SETD4: variants seen among roughly 807,000 people sequenced by gnomAD.
SETD4 encodes SET domain containing 4.
SETD4 carries 46 observed loss-of-function variants against 58.3 expected under a neutral mutation model. That is an observed-to-expected ratio of 0.79 (90% CI 0.62 to 1.01). SETD4 has a LOEUF of 1.01. SETD4 is among the 50% of genes least tolerant of loss of function. SETD4 has a pLI of 0.00. For synonymous variants in SETD4, 190 were observed against 202.6 expected (o/e 0.94, Z 0.53); for missense variants, 490 against 523.3 (o/e 0.94, Z 0.62).
intron 8 of SETD4, among the ~76,000 whole-genome samples, chr21:36,041,501 G>T (rs1399502622): frequency 2.0e-5 from 3 of 152,156 alleles, no homozygotes; most frequent in Non-Finnish European, 4.4e-5. Flanking sequence ...CTTTCCACAT[G>T]ACCACAAGGG....
intron 2 of SETD4, 28 bp from the exon 3 acceptor site, chr21:36,057,232 G>A: frequency 3.3e-6 from 5 of 1,499,846 alleles, no homozygotes; most frequent in Non-Finnish European, 4.6e-6. Context: ...AACAAATGGT[G>A]ATTAAAACCA....
chr21:36,050,354 G>T, intron 4 of SETD4: 1 of 1,613,678 alleles, frequency 6.2e-7, no homozygotes, highest in Non-Finnish European at 8.5e-7. Flanking sequence ...CTGTGGTGAT[G>T]GATGAGGTGG....
intron 6 of SETD4, among the ~76,000 whole-genome samples, chr21:36,044,801 G>A (rs1035139005): frequency 4.6e-5 from 7 of 152,126 alleles, no homozygotes; most frequent in South Asian, 2.1e-4. Flanking sequence ...TGAAGGCGAC[G>A]GCCAGGACAC....
intron 1 of SETD4, chr21:36,059,820 A>C: frequency 1.0e-6 from 1 of 985,498 alleles, no homozygotes; most frequent in Non-Finnish European, 1.2e-6. Context: ...TCATTATTTG[A>C]CCTAACGAAA....
At chr21:36,036,475 C>A in intron 10 of SETD4, 1 of 310,696 alleles carries the variant, frequency 3.2e-6, no homozygotes, top group Non-Finnish European at 4.7e-6. Flanking sequence ...CTTCCCCAAA[C>A]CCCCCGTCAC....
In SETD4 at chr21:36,036,133, T is replaced by G; in HGVS notation, c.1307A>C (p.Gln436Pro). The G allele has an allele frequency of 6.2e-7, 1 of 1,614,198 alleles. No individual in the cohort carries two copies. The highest frequency in any genetic ancestry group is 8.5e-7 in the Non-Finnish European group (1 of 1,180,028). The change falls in exon 11 of 12, where the codon CAA becomes CCA. Residue 436 changes from glutamine (Q) to proline (P), a missense_variant. Physicochemically the swap from Gln to Pro is moderately conservative, Grantham distance 76. Coordinates refer to ENST00000332131, the MANE Select transcript of SETD4 (RefSeq NM_017438.5). ...RASAETLHSL[Q>P]TAFT Reference sequence around the variant, plus strand: ...TCGGTGAAATCAGGTAAAAGCTGTTTGCAAACTGTGCAGGGTCTCGGCAGA... The same window carrying G: ...TCGGTGAAATCAGGTAAAAGCTGTTGGCAAACTGTGCAGGGTCTCGGCAGA...
intron 9 of SETD4, among the ~76,000 whole-genome samples, chr21:36,039,786 T>A (rs1335103597): frequency 6.6e-6 from 1 of 152,254 alleles, no homozygotes; most frequent in Non-Finnish European, 1.5e-5. Context: ...AGAGAAATTT[T>A]ACTCCAAAAG....
Position 36,048,342 on chromosome 21 carries a change from C to A in SETD4, c.262G>T (p.Val88Leu). Residue 88 changes from valine (V) to leucine (L), a missense_variant, in exon 5 of 12, where the codon GTG becomes TTG. Physicochemically the swap from Val to Leu is conservative, Grantham distance 32. Transcript: ENST00000332131. ...TATGCCCCTAAGTAGCTTCGAATCA[C>A]TGTGTCCGTGGTGAGCAGGCAACTC... The part of the protein sequence containing the change: ...PESCLLTTDT[V>L]IRSYLGAYIT... 6.2e-7 allele frequency: 1 copy of A among 1,614,168 alleles called. No individual in the cohort carries two copies. Among genetic ancestry groups the A allele is most frequent in the East Asian group, 2.2e-5 (1 of 44,872 alleles).
intron 10 of SETD4, among the ~76,000 whole-genome samples, chr21:36,037,069 T>C (rs1039670552): frequency 1.3e-5 from 2 of 152,046 alleles, no homozygotes; most frequent in Admixed American, 1.3e-4. Flanking sequence ...ACACCAAATT[T>C]CAGCTGGACC....
At chr21:36,040,952 A>G (rs975419215) in intron 8 of SETD4, among the ~76,000 whole-genome samples, 4 of 152,016 alleles carry the variant, frequency 2.6e-5, no homozygotes, top group African/African-American at 7.2e-5. Flanking sequence ...CGAGGTCAGG[A>G]GATCGAGACC....
At chr21:36,050,493 C>T (rs1246274998) in intron 4 of SETD4, 34 of 1,613,206 alleles carry the variant, frequency 2.1e-5, no homozygotes, top group South Asian at 1.4e-4. Context: ...CACTGTTTTG[C>T]GCCATCTAGA....
Position 36,046,003 on chromosome 21 carries a change from G to A in SETD4, c.305C>T (p.Pro102Leu), listed in dbSNP as rs138316773. Reference protein sequence around the residue: ...YLGAYITKWKPPPSPLLALCT... With the variant: ...YLGAYITKWKLPPSPLLALCT... Reference sequence around the variant, plus strand: ...CAGCGCCAGCAGAGGAGATGGAGGAGGCTTCCACCTTTGAAAATTAAAAGC... The same window carrying A: ...CAGCGCCAGCAGAGGAGATGGAGGAAGCTTCCACCTTTGAAAATTAAAAGC... Residue 102 changes from proline (P) to leucine (L), a missense_variant, in exon 6 of 12, where the codon CCT (proline) becomes CTT (leucine). Coordinates refer to ENST00000332131, the MANE Select transcript of SETD4 (RefSeq NM_017438.5). The A allele has an allele frequency of 6.4e-4, 1,029 of 1,605,484 alleles. 2 individuals carry two copies. The highest frequency in any genetic ancestry group is 1.1e-3 in the Admixed American group (66 of 58,240).
At chr21:36,051,204 G>A (rs1455970396) in intron 4 of SETD4, 6 of 1,605,806 alleles carry the variant, frequency 3.7e-6, no homozygotes, top group East Asian at 4.5e-5. Context: ...TGAGACTAGT[G>A]AGCTGGAGCT....
intron 4 of SETD4, among the ~76,000 whole-genome samples, chr21:36,049,627 G>A (rs1440581278): frequency 6.6e-6 from 1 of 152,194 alleles, no homozygotes. Flanking sequence ...TGTAAAGCAA[G>A]ATTAAGCTGG....
At chr21:36,050,630 T>G (rs1212370004) in intron 4 of SETD4, 1 of 1,610,304 alleles carries the variant, frequency 6.2e-7, no homozygotes, top group Non-Finnish European at 8.5e-7. Context: ...ATGGTGGCCA[T>G]GAAAATTTTG....
chr21:36,046,643 C>T (rs1332016241), intron 5 of SETD4, among the ~76,000 whole-genome samples: 4 of 152,196 alleles, frequency 2.6e-5, no homozygotes, highest in Non-Finnish European at 5.9e-5. Context: ...ACTGAATATG[C>T]TCATATACAG....
chr21:36,056,694 G>C (rs565842638), intron 3 of SETD4, among the ~76,000 whole-genome samples: 31 of 152,168 alleles, frequency 2.0e-4, no homozygotes, highest in Non-Finnish European at 3.7e-4. Context: ...GAGTAGCTGG[G>C]ACTACAGGGC....
At chr21:36,040,783 CAA>C (rs771796719) in intron 8 of SETD4, 128 bp from the exon 9 acceptor site, 1 of 736,022 alleles carries the variant, frequency 1.4e-6, no homozygotes, top group Non-Finnish European at 2.3e-6. Flanking sequence ...CAACCTCGGC[CAA>C]AGGACAAGAG....
Position 36,058,927 on chromosome 21 carries a change from A to AT in SETD4, c.-36-4dup, listed in dbSNP as rs770163359. ...TTTCTTTTTTCTGAAATACAGTTCT[A>AT]TTTTTTCAAAAAGGACAAAACTGTA... On this transcript the variant is annotated splice_polypyrimidine_tract_variant and splice_region_variant and intron_variant, in intron 1 of 11. Coordinates refer to ENST00000332131, the MANE Select transcript of SETD4 (RefSeq NM_017438.5). 3 of 1,546,784 alleles carry AT rather than the reference A, an allele frequency of 1.9e-6. No individual in the cohort carries two copies. The highest frequency in any genetic ancestry group is 1.7e-4 in the Middle Eastern group (1 of 5,832).
Sources: gnomAD v4.1 joint callset for allele counts (sites outside exome capture counted in the v4.1 genomes callset) on GRCh38, gnomAD v4.1.1 for gene constraint, MANE v1.5 for transcripts, NCBI Gene and HGNC (gene_info 2026-07-23, HGNC 2026-07-21) for gene names.